The following RWDD1 variants were observed in gnomAD, a reference collection of about 807,000 sequenced individuals.
The protein encoded by RWDD1 is RWD domain containing 1.
In RWDD1, 17 loss-of-function variants were observed where a neutral mutation model predicts 31.6. The observed-to-expected ratio is 0.54, with a 90% CI of 0.37 to 0.81. The LOEUF (loss-of-function observed/expected upper bound fraction) is 0.81, where lower values mean the gene tolerates loss of function less well. Among genes scored for constraint, RWDD1 ranks in the 30% least tolerant of loss-of-function variants. RWDD1 has a pLI of 0.00. For missense variants in RWDD1, 204 were observed against 274.5 expected (o/e 0.74, Z 1.82); for synonymous variants, 78 against 94.2 (o/e 0.83, Z 0.99).
intron 1 of RWDD1, 164 bp from the exon 2 acceptor site, chr6:116,580,131 G>C (rs1247776437): frequency 7.7e-6 from 3 of 389,074 alleles, no homozygotes; most frequent in African/African-American, 6.2e-5. Flanking sequence ...ATAGAAAGTT[G>C]ATGGTAATTT....
intron 2 of RWDD1, among the ~76,000 whole-genome samples, chr6:116,580,629 GT>G (rs1407033490): frequency 6.6e-6 from 1 of 152,058 alleles, no homozygotes; most frequent in Admixed American, 6.6e-5. Context: ...ATGAAAAAAG[GT>G]AGGAAACTTT....
At chr6:116,586,957 T>C (rs149667744) in intron 3 of RWDD1, among the ~76,000 whole-genome samples, 2 of 152,328 alleles carry the variant, frequency 1.3e-5, no homozygotes, top group East Asian at 3.9e-4. Context: ...AAATGGAATG[T>C]AATTATAAGT....
At chr6:116,579,921 A>C (rs1003656323) in intron 1 of RWDD1, among the ~76,000 whole-genome samples, 2 of 152,222 alleles carry the variant, frequency 1.3e-5, no homozygotes, top group Admixed American at 1.3e-4. Flanking sequence ...CATGAGTATC[A>C]GTGGGTAGTT....
At position 116,594,200 on chromosome 6, in the gene RWDD1, A is replaced by G. The variant is rs889991974; in HGVS notation, c.*1099A>G. 1.3e-5 allele frequency: 2 copies of G among 150,828 alleles called. No homozygotes were observed. Among genetic ancestry groups the G allele is most frequent in the African/African-American group, 2.4e-5 (1 of 40,906 alleles). 9.3% of individuals were successfully genotyped at this position (150,828 alleles called of 1,614,324 possible). ...GAAGGCATTAATCTATTTATGAGGG[A>G]TCTACCTGCTATAACCCAAACACCC... On this transcript the variant is annotated 3_prime_UTR_variant, in exon 7 of 7. Transcript: ENST00000466444.
intron 1 of RWDD1, among the ~76,000 whole-genome samples, chr6:116,576,496 C>T (rs1774844139): frequency 6.6e-6 from 1 of 152,188 alleles, no homozygotes; most frequent in African/African-American, 2.4e-5. Flanking sequence ...CTCATGATTT[C>T]TCATGGATTG....
intron 1 of RWDD1, among the ~76,000 whole-genome samples, chr6:116,572,073 G>A (rs1262582968): frequency 6.6e-6 from 1 of 151,764 alleles, no homozygotes; most frequent in Admixed American, 6.6e-5. Flanking sequence ...TGCTGTTTTA[G>A]TTTATAGGAT....
At chr6:116,582,677 G>A (rs893599758) in intron 2 of RWDD1, among the ~76,000 whole-genome samples, 1 of 151,474 alleles carries the variant, frequency 6.6e-6, no homozygotes, top group African/African-American at 2.4e-5. Flanking sequence ...ATTCATTTTC[G>A]TCTTCTCCCT....
Position 116,588,203 on chromosome 6 carries a change from G to A in RWDD1, c.271-639G>A, listed in dbSNP as rs117751826. Among the ~76,000 whole-genome samples the A allele has an allele frequency of 7.5e-3, 1,144 of 152,198 alleles. 10 individuals carry two copies. The highest frequency in any genetic ancestry group is 0.012 in the Non-Finnish European group (843 of 67,990). ...CAATACCTACTCAGATGCTGCTGAG[G>A]CCAGCCCTGTCAAAGAAATGCCTAG... is the stretch of plus-strand genomic sequence containing the variant. On this transcript the variant is annotated intron_variant, in intron 3 of 6. Transcript: ENST00000466444.
At position 116,579,393 on chromosome 6, in the gene RWDD1, C is replaced by T. The variant is rs539434550; in HGVS notation, c.74-902C>T. 3.3e-5 allele frequency among the ~76,000 whole-genome samples: 5 copies of T among 152,346 alleles called. No individual in the cohort carries two copies. In the East Asian group the frequency reaches 9.6e-4, roughly 29 times the overall value. ...TAGGCTTAGCAGCCATCCCTGGTAG[C>T]TTGAAGTTTCCTTGTTTACTTTTCA... On this transcript the variant is annotated intron_variant, in intron 1 of 6. Transcript: ENST00000466444.
chr6:116,589,262 T>C (rs1216492196), intron 4 of RWDD1, among the ~76,000 whole-genome samples: 1 of 152,044 alleles, frequency 6.6e-6, no homozygotes, highest in Non-Finnish European at 1.5e-5. Flanking sequence ...GCCAGGGGTG[T>C]CCAATTTTTT....
chr6:116,585,954 C>T (rs954384400), intron 3 of RWDD1, among the ~76,000 whole-genome samples: 4 of 152,042 alleles, frequency 2.6e-5, no homozygotes, highest in African/African-American at 9.7e-5. Context: ...CTACCTTGCC[C>T]AGCTCTTCGA....
At position 116,588,959 on chromosome 6, in the gene RWDD1, GA is replaced by G; in HGVS notation, c.393del (p.Glu132LysfsTer21). On this transcript the variant is annotated frameshift_variant, in exon 4 of 7. Coordinates refer to ENST00000466444, the MANE Select transcript of RWDD1 (RefSeq NM_015952.4). LOFTEE classifies it high-confidence loss of function. ...AAGAGAAGAAGAAAAGAAACAAAAAGAAAAAGAAGCAGAAGAAGCTGAAAAG... is the reference window on the plus strand; with the variant it reads ...AAGAGAAGAAGAAAAGAAACAAAAAGAAAAGAAGCAGAAGAAGCTGAAAAG... ...TRREEEKKQK[E>X]KEAEEAEKQL... The G allele has an allele frequency of 7.0e-7, 1 of 1,425,944 alleles. No individual in the cohort carries two copies. The highest frequency in any genetic ancestry group is 9.3e-7 in the Non-Finnish European group (1 of 1,079,902). The allele number at this position is 1,425,944 out of a possible 1,614,324, so 88.3% of individuals were successfully genotyped here. A position where few individuals can be genotyped will look rare whatever the true frequency, so the allele number is the denominator to read the frequency against.
In RWDD1 at chr6:116,590,420, C is replaced by T; in HGVS notation, c.547+16C>T. 1.9e-6 allele frequency: 3 copies of T among 1,571,452 alleles called. No individual in the cohort carries two copies. The highest frequency in any genetic ancestry group is 2.3e-5 in the East Asian group (1 of 44,078). On this transcript the variant is annotated intron_variant, in intron 5 of 6. Transcript: ENST00000466444. Reference sequence around the variant, plus strand: ...AAATTAAGTGGTATGATTCCCCTGCCATTCCTGTTCTTCCTAAACCCTCCT... The same window carrying T: ...AAATTAAGTGGTATGATTCCCCTGCTATTCCTGTTCTTCCTAAACCCTCCT...
At chr6:116,579,804 A>C (rs1774916328) in intron 1 of RWDD1, among the ~76,000 whole-genome samples, 1 of 152,226 alleles carries the variant, frequency 6.6e-6, no homozygotes, top group African/African-American at 2.4e-5. Flanking sequence ...ATGATGTGGT[A>C]GAGAATGACA....
chr6:116,584,848 A>G lies in RWDD1; in HGVS notation c.261A>G (p.Leu87=). Residue 87 remains leucine, a synonymous_variant, in exon 3 of 7, where the codon CTA becomes CTG. Transcript: ENST00000466444. ...DNDVSDILKL[L]ALQAEENLGM... ...ATGTCTCAGACATTTTAAAATTACT[A>G]GCATTACAGGTAAGGAAATAATAAT... is the stretch of plus-strand genomic sequence containing the variant. The G allele has an allele frequency of 6.3e-7, 1 of 1,580,320 alleles. No individual in the cohort carries two copies. The highest frequency in any genetic ancestry group is 8.7e-7 in the Non-Finnish European group (1 of 1,149,718).
chr6:116,578,299 T>C (rs1774886322), intron 1 of RWDD1, among the ~76,000 whole-genome samples: 1 of 152,246 alleles, frequency 6.6e-6, no homozygotes, highest in Non-Finnish European at 1.5e-5. Context: ...GCAGCTTATT[T>C]TTCTTTCTTA....
In RWDD1 at chr6:116,593,348, C is replaced by CT. The variant is rs1188122583; in HGVS notation, c.*248dup. On this transcript the variant is annotated 3_prime_UTR_variant, in exon 7 of 7. Coordinates refer to ENST00000466444, the MANE Select transcript of RWDD1 (RefSeq NM_015952.4). The stretch of plus-strand genomic sequence containing the variant: ...ACCTAGTATTTGAGAGAGATCCTGC[C>CT]TATAGCACCAAGACTCGAAGGTAGG... 7.4e-5 allele frequency: 22 copies of CT among 298,124 alleles called. No individual in the cohort carries two copies. The highest frequency in any genetic ancestry group is 1.2e-4 in the Non-Finnish European group (20 of 163,474). 18.5% of individuals were successfully genotyped at this position (298,124 alleles called of 1,614,324 possible). A position where few individuals can be genotyped will look rare whatever the true frequency, so the allele number is the denominator to read the frequency against.
intron 1 of RWDD1, among the ~76,000 whole-genome samples, chr6:116,574,628 C>T (rs1452027172): frequency 6.6e-6 from 1 of 152,098 alleles, no homozygotes; most frequent in Non-Finnish European, 1.5e-5. Context: ...TCCTGCCCTT[C>T]CTCTGTGGCC....
At chr6:116,574,736 CT>C (rs1221929839) in intron 1 of RWDD1, among the ~76,000 whole-genome samples, 1 of 149,210 alleles carries the variant, frequency 6.7e-6, no homozygotes, top group Non-Finnish European at 1.5e-5. Context: ...TCCTTCCTTC[CT>C]TCCTTCCACC....
Sources: allele counts gnomAD v4.1 joint callset (sites outside exome capture counted in the v4.1 genomes callset), GRCh38; gene constraint gnomAD v4.1.1; transcripts MANE v1.5; gene names NCBI Gene and HGNC (gene_info 2026-07-23, HGNC 2026-07-21).